COL4A5: variants seen among roughly 807,000 people sequenced by gnomAD.
The protein encoded by COL4A5 is collagen type IV alpha 5 chain, also known as collagen alpha-5(IV) chain.
COL4A5 carries 26 observed loss-of-function variants against 130.2 expected under a neutral mutation model. That is an observed-to-expected ratio of 0.20 (90% confidence interval 0.15 to 0.28). The LOEUF (loss-of-function observed/expected upper bound fraction) is 0.28. COL4A5 is among the 10% of genes least tolerant of loss of function. The probability of loss-of-function intolerance (pLI) is 1.00; values close to 1 mark genes in which losing one functional copy is unlikely to be tolerated. For missense variants in COL4A5, 1,131 were observed against 1,344.3 expected (o/e 0.84, Z 2.48); for synonymous variants, 496 against 439.6 (o/e 1.13, Z -1.60).
chrX:108,517,191 T>G (rs2065228280), intron 1 of COL4A5, among the ~76,000 whole-genome samples: 1 of 111,658 alleles, frequency 9.0e-6, no homozygotes, highest in Non-Finnish European at 1.9e-5. Context: ...TTTCATTTTA[T>G]TTTTGAAAAT....
At chrX:108,694,038 T>TGG (rs1389234025) in intron 50 of COL4A5, 6 of 85,260 alleles carry the variant, frequency 7.0e-5, no homozygotes, top group African/African-American at 3.4e-4. Flanking sequence ...TTTGGGAATT[T>TGG]GGGTGTATGT....
chrX:108,481,972 C>T (rs2064896882), intron 1 of COL4A5, among the ~76,000 whole-genome samples: 1 of 111,507 alleles, frequency 9.0e-6, no homozygotes, highest in African/African-American at 3.3e-5. Flanking sequence ...CAAGGGAGAT[C>T]AGGCATTTCC....
chrX:108,566,549 T>C (rs2065973652), intron 4 of COL4A5, among the ~76,000 whole-genome samples: 1 of 110,678 alleles, frequency 9.0e-6, no homozygotes, highest in African/African-American at 3.3e-5. Flanking sequence ...TTTTTTTTTT[T>C]TCTTTCTTTC....
At chrX:108,483,807 C>T (rs2064917113) in intron 1 of COL4A5, among the ~76,000 whole-genome samples, 1 of 112,266 alleles carries the variant, frequency 8.9e-6, no homozygotes, top group Non-Finnish European at 1.9e-5. Context: ...TTGATAAAAG[C>T]CATTAACTGG....
chrX:108,568,022 C>G (rs1441692232), intron 4 of COL4A5, among the ~76,000 whole-genome samples: 1 of 111,771 alleles, frequency 8.9e-6, no homozygotes, highest in Non-Finnish European at 1.9e-5. Context: ...TATTTTGTTT[C>G]ATAATTTCTA....
intron 8 of COL4A5, among the ~76,000 whole-genome samples, chrX:108,572,199 C>T (rs2147755930): frequency 9.0e-6 from 1 of 111,678 alleles, no homozygotes; most frequent in South Asian, 3.8e-4. Context: ...GGTTAATTTG[C>T]AGTCTTCTAT....
At chrX:108,456,914 G>A (rs965664960) in intron 1 of COL4A5, among the ~76,000 whole-genome samples, 3 of 111,631 alleles carry the variant, frequency 2.7e-5, no homozygotes, top group African/African-American at 9.8e-5. Context: ...CTAAACCGGA[G>A]AAAGTGCTGA....
At chrX:108,650,971 C>T (rs974143960) in intron 36 of COL4A5, among the ~76,000 whole-genome samples, 9 of 111,250 alleles carry the variant, frequency 8.1e-5, no homozygotes, top group Non-Finnish European at 1.5e-4. Context: ...TGTGCTATCC[C>T]ATACACTGGA....
At chrX:108,491,123 C>A (rs2064989472) in intron 1 of COL4A5, among the ~76,000 whole-genome samples, 1 of 111,874 alleles carries the variant, frequency 8.9e-6, no homozygotes, top group African/African-American at 3.3e-5. Context: ...CATGTGTGCA[C>A]ATGTCTTTAT....
Position 108,568,618 on chromosome X carries a change from T to G in COL4A5, c.277-11T>G. On this transcript the variant is annotated splice_polypyrimidine_tract_variant and intron_variant, in intron 4 of 52. Transcript: ENST00000328300. ...TGTCATTTAGTTTAAGGATTTTATT[T>G]CTTCTTATAGGGTCCTCCTGGACTT... is the stretch of plus-strand genomic sequence containing the variant. 8.6e-7 allele frequency: 1 copy of G among 1,156,823 alleles called. No individual in the cohort carries two copies.
intron 13 of COL4A5, among the ~76,000 whole-genome samples, chrX:108,579,343 T>C (rs2066206407): frequency 8.9e-6 from 1 of 112,679 alleles, no homozygotes; most frequent in African/African-American, 3.2e-5. Flanking sequence ...GCAGCACATA[T>C]CAGTGCTTCA....
intron 42 of COL4A5, 28 bp downstream of exon 42, chrX:108,670,264 C>A (rs1181773541): frequency 2.5e-6 from 3 of 1,207,604 alleles, no homozygotes; most frequent in Non-Finnish European, 3.4e-6. Context: ...AAAGTAGTAA[C>A]TGCATGAAGT....
intron 2 of COL4A5, among the ~76,000 whole-genome samples, chrX:108,545,522 T>C (rs1305822319): frequency 8.9e-6 from 1 of 111,913 alleles, no homozygotes; most frequent in Non-Finnish European, 1.9e-5. Flanking sequence ...AGTGCTTTAC[T>C]TCCAATGATG....
chrX:108,612,530 CA>C (rs1011838815), intron 29 of COL4A5, among the ~76,000 whole-genome samples: 11 of 111,287 alleles, frequency 9.9e-5, no homozygotes, highest in African/African-American at 3.2e-4. Flanking sequence ...AAAAATTAAA[CA>C]AAAACAGTAT....
rs568136660 is a variant in COL4A5 at position 108,459,992 on chromosome X, T to C, written c.81+19786T>C. The stretch of plus-strand genomic sequence containing the variant: ...TTTAAAAAAATATAATTTGGTTTAT[T>C]TTGAGAAAGGGAAGACATTTTTCCT... On this transcript the variant is annotated intron_variant, in intron 1 of 52. Coordinates refer to ENST00000328300, the MANE Select transcript of COL4A5 (RefSeq NM_033380.3). Among the ~76,000 whole-genome samples the C allele has an allele frequency of 3.0e-4, 34 of 112,282 alleles. No homozygotes were observed. In the South Asian group the frequency reaches 0.013, roughly 41 times the overall value.
chrX:108,667,087 A>G lies in COL4A5; in HGVS notation c.3554-46A>G, dbSNP rs757285268. ...ATAATTTGGCCTTGTTTCAGTTTGT[A>G]TTATCCACTTGAGTTTTTGTTTTGT... is the stretch of plus-strand genomic sequence containing the variant. On this transcript the variant is annotated intron_variant, in intron 39 of 52. Transcript: ENST00000328300. 12 of 1,170,309 alleles carry G rather than the reference A, an allele frequency of 1.0e-5. No individual in the cohort carries two copies. In the Admixed American group the frequency reaches 2.4e-4, roughly 24 times the overall value.
chrX:108,474,013 A>G (rs887215261), intron 1 of COL4A5, among the ~76,000 whole-genome samples: 35 of 111,655 alleles, frequency 3.1e-4, no homozygotes, highest in Non-Finnish European at 5.8e-4. Context: ...AAGCTAAAAC[A>G]ATTCTAAAAA....
At chrX:108,616,320 C>T (rs762880641) in intron 30 of COL4A5, among the ~76,000 whole-genome samples, 1 of 110,360 alleles carries the variant, frequency 9.1e-6, no homozygotes, top group East Asian at 2.9e-4. Flanking sequence ...CAGCTCACTG[C>T]AACCTCCTGG....
chrX:108,622,299 T>A (rs2067071559), intron 32 of COL4A5, among the ~76,000 whole-genome samples: 1 of 110,290 alleles, frequency 9.1e-6, no homozygotes, highest in Admixed American at 9.6e-5. Flanking sequence ...CGGCTAATAT[T>A]TTTTTGTATT....
Sources: gnomAD v4.1 joint callset for allele counts (sites outside exome capture counted in the v4.1 genomes callset) on GRCh38, gnomAD v4.1.1 for gene constraint, MANE v1.5 for transcripts, NCBI Gene and HGNC (gene_info 2026-07-23, HGNC 2026-07-21) for gene names.